The following ADAMTS6 variants were observed in gnomAD, a reference collection of about 807,000 sequenced individuals.
ADAMTS6 encodes ADAM metallopeptidase with thrombospondin type 1 motif 6.
ADAMTS6 carries 23 observed loss-of-function variants against 144.3 expected under a neutral mutation model. That is an observed-to-expected ratio of 0.16 (90% CI 0.11 to 0.23). The LOEUF (loss-of-function observed/expected upper bound fraction) is 0.23. ADAMTS6 is among the 10% of genes least tolerant of loss of function. The pLI is 1.00. For missense variants in ADAMTS6, 999 were observed against 1,379.6 expected, an observed-to-expected ratio of 0.72 and a Z score of 4.37; for synonymous variants, 444 against 457.5, an observed-to-expected ratio of 0.97 and a Z score of 0.38.
intron 11 of ADAMTS6, among the ~76,000 whole-genome samples, chr5:65,280,449 AACC>A (rs1187163200): frequency 6.6e-6 from 1 of 152,264 alleles, no homozygotes; most frequent in African/African-American, 2.4e-5. Context: ...CCACTAAGCC[AACC>A]ACCATGTTGA....
intron 7 of ADAMTS6, among the ~76,000 whole-genome samples, chr5:65,398,850 A>AAGAAAGAAAGAG (rs1561502083): frequency 1.5e-5 from 2 of 133,718 alleles, no homozygotes; most frequent in African/African-American, 3.0e-5. Flanking sequence ...GAAAGAAAGA[A>AAGAAAGAAAGAG]AAAGAAAGAG....
Position 65,464,237 on chromosome 5 carries a change from T to C in ADAMTS6, c.463-3899A>G, listed in dbSNP as rs559562446. On this transcript the variant is annotated intron_variant, in intron 3 of 24. Coordinates refer to ENST00000381055, the MANE Select transcript of ADAMTS6 (RefSeq NM_197941.4). ...AACCTAAGGACTCCTCCTCAGAATA[T>C]TTTAAATGCAGAAAAAATATATAGG... Among the ~76,000 whole-genome samples, 7 of 152,340 alleles carry C rather than the reference T, an allele frequency of 4.6e-5. No homozygotes were observed. The East Asian group carries it at 1.2e-3, about 25-fold the overall frequency.
chr5:65,181,279 C>T (rs928866744), intron 22 of ADAMTS6, among the ~76,000 whole-genome samples: 3 of 152,238 alleles, frequency 2.0e-5, no homozygotes, highest in African/African-American at 7.2e-5. Flanking sequence ...GCTTGCCTCA[C>T]TTGTGTCGAG....
Position 65,452,707 on chromosome 5 carries a change from A to G in ADAMTS6, c.843T>C (p.Ile281=), listed in dbSNP as rs999549161. 6 of 1,613,812 alleles carry G rather than the reference A, an allele frequency of 3.7e-6. No individual in the cohort carries two copies. Among genetic ancestry groups the G allele is most frequent in the Non-Finnish European group, 5.1e-6 (6 of 1,179,902 alleles). The change falls in exon 5 of 25, where the codon ATT becomes ATC. Residue 281 remains isoleucine (I), a splice_region_variant and synonymous_variant. Transcript: ENST00000381055. Reference sequence around the variant, plus strand: ...TATTATATAGAGGGATCAAACTTACAATATTCATCACACTCAAAATGTAAT... The same window carrying G: ...TATTATATAGAGGGATCAAACTTACGATATTCATCACACTCAAAATGTAAT... ...IEHYILSVMN[I]VAKLYRDSSL... is the part of the protein sequence containing the mutation.
chr5:65,471,212 G>A, intron 2 of ADAMTS6, 70 bp from the exon 3 acceptor site: 1 of 1,468,818 alleles, frequency 6.8e-7, no homozygotes, highest in South Asian at 1.4e-5. Flanking sequence ...ACGGAACAAA[G>A]AAGCAGCAAT....
chr5:65,196,219 A>G (rs1755336858), intron 21 of ADAMTS6, among the ~76,000 whole-genome samples: 2 of 152,146 alleles, frequency 1.3e-5, no homozygotes, highest in Non-Finnish European at 2.9e-5. Context: ...TCTATTCCAG[A>G]GTATTTCTAA....
intron 1 of ADAMTS6, among the ~76,000 whole-genome samples, chr5:65,480,321 C>A (rs1490740034): frequency 1.3e-5 from 2 of 151,926 alleles, no homozygotes; most frequent in East Asian, 1.9e-4. Context: ...CCTCCCCCCG[C>A]CCCCACCATT....
At chr5:65,257,497 T>C (rs1225197700) in intron 14 of ADAMTS6, among the ~76,000 whole-genome samples, 4 of 152,316 alleles carry the variant, frequency 2.6e-5, no homozygotes, top group Middle Eastern at 3.4e-3. Flanking sequence ...TCCACTGTTA[T>C]TCCTAGCGCA....
At chr5:65,260,532 T>TA (rs1159824153) in intron 14 of ADAMTS6, 68 bp downstream of exon 14, 2 of 1,305,548 alleles carry the variant, frequency 1.5e-6, no homozygotes, top group Admixed American at 1.9e-5. Flanking sequence ...AGTTTAAAAT[T>TA]AAAAAAATTT....
At position 65,300,058 on chromosome 5, in the gene ADAMTS6, C is replaced by T; in HGVS notation, c.1297G>A (p.Ala433Thr). 2 of 1,614,070 alleles carry T rather than the reference C, an allele frequency of 1.2e-6. No individual in the cohort carries two copies. Among genetic ancestry groups the T allele is most frequent in the Non-Finnish European group, 1.7e-6 (2 of 1,179,996 alleles). ...KGHEAAKLMA[A>T]HITANTNPFS... Reference sequence around the variant, plus strand: ...GGATTGGTATTCGCAGTAATGTGAGCTGCCATAAGTTTTGCTGCTTCATGA... The same window carrying T: ...GGATTGGTATTCGCAGTAATGTGAGTTGCCATAAGTTTTGCTGCTTCATGA... Residue 433 changes from alanine (A) to threonine (T), a missense_variant, in exon 10 of 25, where the codon GCT (alanine) becomes ACT (threonine). Physicochemically the swap from Ala to Thr is moderately conservative, Grantham distance 58 (BLOSUM62 0). This residue lies in a region of ADAMTS6 where 128 missense variants were observed against 249.0 expected (regional missense o/e 0.51). Transcript: ENST00000381055.
intron 7 of ADAMTS6, among the ~76,000 whole-genome samples, chr5:65,401,061 CT>C (rs1561504563): frequency 6.6e-6 from 1 of 152,156 alleles, no homozygotes; most frequent in Non-Finnish European, 1.5e-5. Flanking sequence ...TGCTCTGTCT[CT>C]TCAAACTGTG....
chr5:65,200,164 C>T lies in ADAMTS6; in HGVS notation c.2576-3013G>A, dbSNP rs141148113. ...CTTCCTCCAACAGCATACAAAGCTC[C>T]TTCCAACTATTACTCCCACACTTGG... is the stretch of plus-strand genomic sequence containing the variant. On this transcript the variant is annotated intron_variant, in intron 20 of 24. Coordinates refer to ENST00000381055, the MANE Select transcript of ADAMTS6 (RefSeq NM_197941.4). 5.8e-3 allele frequency among the ~76,000 whole-genome samples: 879 copies of T among 152,264 alleles called. 12 individuals are homozygous for T. Among genetic ancestry groups the T allele is most frequent in the African/African-American group, 0.021 (852 of 41,560 alleles).
Position 65,150,311 on chromosome 5 carries a change from A to C in ADAMTS6, c.*1525T>G, listed in dbSNP as rs1752084092. 6.6e-6 allele frequency: 1 copy of C among 152,634 alleles called. No individual in the cohort carries two copies. Among genetic ancestry groups the C allele is most frequent in the Non-Finnish European group, 1.5e-5 (1 of 68,040 alleles). The allele number at this position is 152,634 out of a possible 1,614,324, so 9.5% of individuals were successfully genotyped here. A position where few individuals can be genotyped will look rare whatever the true frequency, so the allele number is the denominator to read the frequency against. ...TGGACACAAAGCACATTCATCAAGA[A>C]CCTGCTGCAAGCTACACGTGTTCAA... On this transcript the variant is annotated 3_prime_UTR_variant, in exon 25 of 25. Coordinates refer to ENST00000381055, the MANE Select transcript of ADAMTS6 (RefSeq NM_197941.4).
intron 18 of ADAMTS6, among the ~76,000 whole-genome samples, chr5:65,216,549 T>C (rs1023268182): frequency 9.2e-5 from 14 of 152,088 alleles, no homozygotes. Flanking sequence ...TAATTTTATG[T>C]AATGTTAATT....
chr5:65,378,956 T>TA (rs373448890), intron 7 of ADAMTS6, among the ~76,000 whole-genome samples: 5 of 150,982 alleles, frequency 3.3e-5, no homozygotes, highest in Admixed American at 1.3e-4. Flanking sequence ...CTCAAGAGAA[T>TA]AAAAAAAAAG....
At chr5:65,184,723 T>C (rs1176513610) in intron 22 of ADAMTS6, among the ~76,000 whole-genome samples, 1 of 152,038 alleles carries the variant, frequency 6.6e-6, no homozygotes, top group African/African-American at 2.4e-5. Context: ...CAAGTATAGA[T>C]TATAGGATAT....
chr5:65,474,778 A>G lies in ADAMTS6; in HGVS notation c.-279-826T>C, dbSNP rs573683342. ...TAACTAAGAGCTAAAAACTAGCCAC[A>G]AACAGCCAAACTGTGACCAAAAAAA... On this transcript the variant is annotated intron_variant, in intron 1 of 24. Transcript: ENST00000381055. Among the ~76,000 whole-genome samples, 6 of 148,296 alleles carry G rather than the reference A, an allele frequency of 4.0e-5. No individual in the cohort carries two copies. In the South Asian group the frequency reaches 1.3e-3, roughly 32 times the overall value.
At chr5:65,258,373 G>A (rs1031409916) in intron 14 of ADAMTS6, among the ~76,000 whole-genome samples, 1 of 152,202 alleles carries the variant, frequency 6.6e-6, no homozygotes, top group Admixed American at 6.5e-5. Flanking sequence ...TATGTTGCTG[G>A]AGCAGAGATA....
At chr5:65,206,334 A>G (rs994374433) in intron 20 of ADAMTS6, among the ~76,000 whole-genome samples, 4 of 152,246 alleles carry the variant, frequency 2.6e-5, no homozygotes, top group Non-Finnish European at 2.9e-5. Flanking sequence ...ACCTTTGTAC[A>G]GTTTGAAAAA....
Sources: gnomAD v4.1 joint callset for allele counts (sites outside exome capture counted in the v4.1 genomes callset) on GRCh38, gnomAD v4.1.1 for gene constraint, gnomAD v4.1.1 regional missense constraint, MANE v1.5 for transcripts, NCBI Gene and HGNC (gene_info 2026-07-23, HGNC 2026-07-21) for gene names.